The following LPP variants were observed in gnomAD, a reference collection of about 807,000 sequenced individuals.
LPP encodes LIM domain containing preferred translocation partner in lipoma.
LPP carries 38 observed loss-of-function variants against 60.4 expected under a neutral mutation model. The ratio of observed to expected loss-of-function variants is 0.63; its 90% CI spans 0.49 to 0.83. The LOEUF (loss-of-function observed/expected upper bound fraction) is 0.83, where lower values mean the gene tolerates loss of function less well. LPP is among the 40% of genes least tolerant of loss of function. The pLI is 0.00. For missense variants in LPP, 902 were observed against 783.6 expected, an observed-to-expected ratio of 1.15 and a Z score of -1.80; for synonymous variants, 328 against 290.8, an observed-to-expected ratio of 1.13 and a Z score of -1.30.
At chr3:188,158,588 C>T (rs1717235548) in intron 1 of LPP, among the ~76,000 whole-genome samples, 1 of 152,064 alleles carries the variant, frequency 6.6e-6, no homozygotes, top group Non-Finnish European at 1.5e-5. Flanking sequence ...TGTTTCCTTT[C>T]CTATCATTCT....
intron 2 of LPP, among the ~76,000 whole-genome samples, chr3:188,284,758 C>A (rs1000230747): frequency 6.6e-6 from 1 of 152,114 alleles, no homozygotes; most frequent in Admixed American, 6.5e-5. Flanking sequence ...GTAATGACTG[C>A]GAGAGACAAA....
At chr3:188,748,244 TAC>T (rs763637947) in intron 8 of LPP, among the ~76,000 whole-genome samples, 76 of 152,018 alleles carry the variant, frequency 5.0e-4, no homozygotes, top group Admixed American at 9.2e-4. Context: ...CACATGTATA[TAC>T]ACACACACAC....
chr3:188,816,469 G>C (rs1752537388), intron 9 of LPP, among the ~76,000 whole-genome samples: 1 of 152,122 alleles, frequency 6.6e-6, no homozygotes, highest in Non-Finnish European at 1.5e-5. Flanking sequence ...CCAAAGTGCT[G>C]GGATTACAGG....
chr3:188,762,576 C>T lies in LPP; in HGVS notation c.1410+2294C>T, dbSNP rs139430129. The stretch of plus-strand genomic sequence containing the variant: ...AATCTGATTAAATAATAGGTTTCTA[C>T]AGTGTGTGGGCTCAAGTTTCTATCT... On this transcript the variant is annotated intron_variant, in intron 9 of 11. Coordinates refer to ENST00000617246, the MANE Select transcript of LPP (RefSeq NM_001375462.1). Among the ~76,000 whole-genome samples, 328 of 152,250 alleles carry T rather than the reference C, an allele frequency of 2.2e-3. 1 individual carries two copies. Among genetic ancestry groups the T allele is most frequent in the African/African-American group, 7.4e-3 (306 of 41,524 alleles).
At position 188,609,434 on chromosome 3, in the gene LPP, A is replaced by G. The variant is rs764767898; in HGVS notation, c.703A>G (p.Met235Val). The G allele has an allele frequency of 6.2e-7, 1 of 1,614,082 alleles. No homozygotes were observed. Among genetic ancestry groups the G allele is most frequent in the Non-Finnish European group, 8.5e-7 (1 of 1,180,002 alleles). ...VKSAQPSPHY[M>V]AAPSSGQIYG... ...GTCAGCCCAGCCCAGCCCTCATTAT[A>G]TGGCTGCCCCTTCATCAGGACAAAT... is the stretch of plus-strand genomic sequence containing the variant. The change falls in exon 7 of 12, where the codon ATG (methionine) becomes GTG (valine). Residue 235 changes from methionine (M) to valine (V), a missense_variant. Coordinates refer to ENST00000617246, the MANE Select transcript of LPP (RefSeq NM_001375462.1). The surrounding 1 kb of genome is among the most constrained non-coding windows in gnomAD (Gnocchi z 6.9).
intron 4 of LPP, among the ~76,000 whole-genome samples, chr3:188,437,480 A>T (rs1235915691): frequency 1.3e-5 from 2 of 152,362 alleles, no homozygotes; most frequent in East Asian, 3.9e-4. Context: ...ATGACTTTAT[A>T]ACAAGAAAGC....
Position 188,304,352 on chromosome 3 carries a change from C to G in LPP, c.-66-37311C>G, listed in dbSNP as rs80174319. Among the ~76,000 whole-genome samples, 451 of 152,164 alleles carry G rather than the reference C, an allele frequency of 3.0e-3. 1 individual carries two copies. Among genetic ancestry groups the G allele is most frequent in the African/African-American group, 0.01 (425 of 41,524 alleles). ...TTTAATAATGGGGGGAAATCTGAAG[C>G]CTAAAAGGTGGGCAGGGACTTGCTC... On this transcript the variant is annotated intron_variant, in intron 2 of 11. Coordinates refer to ENST00000617246, the MANE Select transcript of LPP (RefSeq NM_001375462.1).
At chr3:188,652,391 A>G (rs181060124) in intron 7 of LPP, among the ~76,000 whole-genome samples, 49 of 152,128 alleles carry the variant, frequency 3.2e-4, no homozygotes, top group African/African-American at 1.1e-3. Context: ...ATACCAGCCT[A>G]TAGATCCTCT....
At chr3:188,797,144 C>T (rs1482837548) in intron 9 of LPP, among the ~76,000 whole-genome samples, 1 of 150,788 alleles carries the variant, frequency 6.6e-6, no homozygotes, top group African/African-American at 2.4e-5. Context: ...CCTCCTCTTC[C>T]TCTTCCTCCT....
intron 1 of LPP, among the ~76,000 whole-genome samples, chr3:188,184,259 C>A (rs905803429): frequency 1.3e-5 from 2 of 152,144 alleles, no homozygotes; most frequent in African/African-American, 2.4e-5. Flanking sequence ...CACCGAGAGT[C>A]CTGCTGCTGG....
At chr3:188,178,351 T>C (rs1723715435) in intron 1 of LPP, among the ~76,000 whole-genome samples, 1 of 152,164 alleles carries the variant, frequency 6.6e-6, no homozygotes, top group Non-Finnish European at 1.5e-5. Flanking sequence ...CCAGGTAGGG[T>C]GATTGTCCAT....
intron 6 of LPP, among the ~76,000 whole-genome samples, chr3:188,570,003 T>C (rs141351513): frequency 2.1e-3 from 297 of 140,198 alleles, no homozygotes; most frequent in African/African-American, 7.1e-3. Context: ...TTTGTATGAA[T>C]GGCAACTTCA....
At chr3:188,427,871 G>A (rs1313041449) in intron 4 of LPP, among the ~76,000 whole-genome samples, 1 of 152,032 alleles carries the variant, frequency 6.6e-6, no homozygotes, top group African/African-American at 2.4e-5. Context: ...GGTCCACTGA[G>A]TTAGAACACT....
chr3:188,361,530 TCCTCTCCTCTCCTCC>T (rs1177813290), intron 3 of LPP, among the ~76,000 whole-genome samples: 2 of 121,656 alleles, frequency 1.6e-5, no homozygotes, highest in Non-Finnish European at 3.5e-5. Context: ...TCCTCTCCTC[TCCTCTCCTCTCCTCC>T]CCTCTCCTCT....
At chr3:188,301,239 G>C (rs1329511616) in intron 2 of LPP, among the ~76,000 whole-genome samples, 1 of 152,084 alleles carries the variant, frequency 6.6e-6, no homozygotes, top group Non-Finnish European at 1.5e-5. Flanking sequence ...TCTGCTCACT[G>C]TCTATCTATA....
chr3:188,784,169 A>T (rs187458647), intron 9 of LPP, among the ~76,000 whole-genome samples: 2 of 151,680 alleles, frequency 1.3e-5, no homozygotes, highest in Admixed American at 1.3e-4. Context: ...GTGAGAAAAT[A>T]TGATATTTGG....
Position 188,406,311 on chromosome 3 carries a change from A to C in LPP, c.191A>C (p.Glu64Ala). The change falls in exon 4 of 12, where the codon GAG (glutamate) becomes GCG (alanine). Residue 64 changes from glutamate to alanine, a missense_variant and splice_region_variant. Physicochemically the swap from Glu to Ala is moderately radical, Grantham distance 107 (BLOSUM62 -1). Coordinates refer to ENST00000617246, the MANE Select transcript of LPP (RefSeq NM_001375462.1). ...KYNPYKQPGG[E>A]GDFLPPPPPP... The stretch of plus-strand genomic sequence containing the variant: ...AACCCATACAAACAACCTGGAGGTG[A>C]GGGTAAGTGCTGGGATTTCAGAGTT... 6.2e-7 allele frequency: 1 copy of C among 1,613,542 alleles called. No homozygotes were observed. Among genetic ancestry groups the C allele is most frequent in the Non-Finnish European group, 8.5e-7 (1 of 1,179,674 alleles).
At chr3:188,204,516 A>G (rs1442886203) in intron 1 of LPP, among the ~76,000 whole-genome samples, 3 of 152,124 alleles carry the variant, frequency 2.0e-5, no homozygotes, top group Admixed American at 2.0e-4. Flanking sequence ...TCAACTTTTT[A>G]CTTGAGTTTA....
chr3:188,423,268 AG>A (rs1788361072), intron 4 of LPP, among the ~76,000 whole-genome samples: 2 of 152,136 alleles, frequency 1.3e-5, no homozygotes, highest in South Asian at 4.1e-4. Context: ...GTCCCTGCAA[AG>A]GACATGAACT....
Sources: allele counts gnomAD v4.1 joint callset (sites outside exome capture counted in the v4.1 genomes callset), GRCh38; gene constraint gnomAD v4.1.1; non-coding constraint Gnocchi (gnomAD v3.1); transcripts MANE v1.5; gene names NCBI Gene and HGNC (gene_info 2026-07-23, HGNC 2026-07-21).